Variants in FOXP1 observed in about 807,000 individuals in gnomAD.
The protein encoded by FOXP1 is forkhead box P1, also known as forkhead box protein P1.
A neutral mutation model predicts 98.2 loss-of-function variants in FOXP1; 15 were observed. The observed-to-expected ratio is 0.15, with a 90% CI of 0.10 to 0.24. FOXP1 has a LOEUF of 0.24. FOXP1 is among the 10% of genes least tolerant of loss of function. The pLI is 1.00. For synonymous variants in FOXP1, 371 were observed against 314.5 expected (o/e 1.18, Z -1.90); for missense variants, 633 against 848.5 (o/e 0.75, Z 3.15).
chr3:71,459,389 A>G (rs1373019316), intron 3 of FOXP1, among the ~76,000 whole-genome samples: 2 of 152,242 alleles, frequency 1.3e-5, no homozygotes, highest in Non-Finnish European at 2.9e-5. Flanking sequence ...TCTGAGACCC[A>G]AGAAGGGGAT....
intron 5 of FOXP1, among the ~76,000 whole-genome samples, chr3:71,251,053 T>G (rs1252600504): frequency 2.0e-5 from 3 of 152,254 alleles, no homozygotes; most frequent in African/African-American, 7.2e-5. Flanking sequence ...CGGTTTTGAT[T>G]AGAATTGTAG....
chr3:71,385,819 C>G (rs1214329719), intron 3 of FOXP1, among the ~76,000 whole-genome samples: 1 of 152,088 alleles, frequency 6.6e-6, no homozygotes, highest in Non-Finnish European at 1.5e-5. Flanking sequence ...TTTCCCCGCA[C>G]CTCTCTAAAT....
In FOXP1 at chr3:71,438,245, C is replaced by CTGAA. The variant is rs529353076; in HGVS notation, c.-168+55177_-168+55180dup. On this transcript the variant is annotated intron_variant, in intron 3 of 20. Transcript: ENST00000649528. Reference sequence around the variant, plus strand: ...AATTCTTGGCTCTTAAAATCTATTTCTGAATGAATGAATGAATGAATGTTG... The same window carrying CTGAA: ...AATTCTTGGCTCTTAAAATCTATTTCTGAATGAATGAATGAATGAATGAATGTTG... Among the ~76,000 whole-genome samples, 81 of 152,260 alleles carry CTGAA rather than the reference C, an allele frequency of 5.3e-4. 1 individual carries two copies. The highest frequency in any genetic ancestry group is 3.0e-3 in the Admixed American group (46 of 15,288).
At chr3:71,224,975 G>A (rs1460400141) in intron 5 of FOXP1, among the ~76,000 whole-genome samples, 1 of 152,196 alleles carries the variant, frequency 6.6e-6, no homozygotes, top group Non-Finnish European at 1.5e-5. Flanking sequence ...CTAAGTGGAT[G>A]AATGAATGAT....
At chr3:71,332,774 C>T (rs1210136823) in intron 4 of FOXP1, 1 of 152,248 alleles carries the variant, frequency 6.6e-6, no homozygotes, top group East Asian at 1.9e-4. Context: ...ACCAGTGTCA[C>T]TTTGAACACT....
intron 3 of FOXP1, among the ~76,000 whole-genome samples, chr3:71,484,501 AAG>A (rs2090512860): frequency 6.6e-6 from 1 of 152,176 alleles, no homozygotes; most frequent in African/African-American, 2.4e-5. Context: ...AAGTCTCAAA[AAG>A]GTTCAAATAC....
intron 4 of FOXP1, among the ~76,000 whole-genome samples, chr3:71,315,359 T>A (rs1367543032): frequency 6.6e-6 from 1 of 152,042 alleles, no homozygotes; most frequent in Admixed American, 6.5e-5. Context: ...TGGGAAGCGG[T>A]AGGTTCATTT....
At chr3:71,174,019 G>A (rs542999958) in intron 6 of FOXP1, among the ~76,000 whole-genome samples, 2 of 152,230 alleles carry the variant, frequency 1.3e-5, no homozygotes, top group Non-Finnish European at 2.9e-5. Context: ...ATCTATGCAT[G>A]GTCTAGGAAG....
chr3:70,997,761 G>A (rs2041588811), intron 13 of FOXP1, among the ~76,000 whole-genome samples: 1 of 152,146 alleles, frequency 6.6e-6, no homozygotes, highest in Admixed American at 6.5e-5. Context: ...AGAACTTGGA[G>A]GGCAGCTTTA....
intron 7 of FOXP1, among the ~76,000 whole-genome samples, chr3:71,057,167 CTT>C (rs890816832): frequency 1.3e-5 from 2 of 151,978 alleles, no homozygotes; most frequent in South Asian, 4.1e-4. Flanking sequence ...CAAAATTACA[CTT>C]TGATTCATAA....
At chr3:70,989,305 T>C (rs1219070217) in intron 13 of FOXP1, among the ~76,000 whole-genome samples, 3 of 151,704 alleles carry the variant, frequency 2.0e-5, no homozygotes, top group Non-Finnish European at 4.4e-5. Context: ...CATTTGATTT[T>C]TTTTTTCTTT....
intron 2 of FOXP1, among the ~76,000 whole-genome samples, chr3:71,536,572 T>TC (rs1013358113): frequency 3.0e-5 from 4 of 133,066 alleles, no homozygotes; most frequent in Non-Finnish European, 6.2e-5. Flanking sequence ...AAACCATGTC[T>TC]CTTTTTTTTT....
chr3:71,415,363 T>C (rs1398204152), intron 3 of FOXP1, among the ~76,000 whole-genome samples: 1 of 152,218 alleles, frequency 6.6e-6, no homozygotes, highest in Non-Finnish European at 1.5e-5. Context: ...TAATTTTCAC[T>C]CCTGTTGATA....
At chr3:71,338,444 A>G (rs1195764711) in intron 4 of FOXP1, among the ~76,000 whole-genome samples, 1 of 152,104 alleles carries the variant, frequency 6.6e-6, no homozygotes, top group Non-Finnish European at 1.5e-5. Context: ...ATCCCAGGAG[A>G]GTATAAATTT....
rs531794215 is a variant in FOXP1, at chr3:71,383,753, G to A, written c.-167-24509C>T. Among the ~76,000 whole-genome samples, 3 of 152,218 alleles carry A rather than the reference G, an allele frequency of 2.0e-5. No individual in the cohort carries two copies. The South Asian group carries it at 6.2e-4, about 32-fold the overall frequency. ...AGGCCCCCTTGAACCTGGTTTGGAA[G>A]GAAATGGTGAGACAGAAAGAGAAAA... On this transcript the variant is annotated intron_variant, in intron 3 of 20. Transcript: ENST00000649528.
chr3:71,179,215 G>A (rs922453051), intron 6 of FOXP1, among the ~76,000 whole-genome samples: 1 of 138,512 alleles, frequency 7.2e-6, no homozygotes, highest in South Asian at 2.3e-4. Context: ...TGCAACCTCC[G>A]CCTCCCGGGT....
chr3:71,082,464 C>T (rs577448038), intron 7 of FOXP1, among the ~76,000 whole-genome samples: 9 of 109,004 alleles, frequency 8.3e-5, no homozygotes, highest in East Asian at 2.9e-4. Flanking sequence ...CATCACACAC[C>T]GGGGCCTGTC....
chr3:71,524,893 AG>A (rs2043253911), intron 2 of FOXP1, among the ~76,000 whole-genome samples: 1 of 152,228 alleles, frequency 6.6e-6, no homozygotes, highest in Admixed American at 6.5e-5. Flanking sequence ...GAGTATTAAC[AG>A]GTCACCGTGC....
intron 4 of FOXP1, among the ~76,000 whole-genome samples, chr3:71,357,124 A>G (rs1360056558): frequency 6.6e-6 from 1 of 152,184 alleles, no homozygotes; most frequent in Non-Finnish European, 1.5e-5. Flanking sequence ...GCTGTCAGCA[A>G]TGTCCCCTGC....
Sources: gnomAD v4.1 joint callset for allele counts (sites outside exome capture counted in the v4.1 genomes callset) on GRCh38, gnomAD v4.1.1 for gene constraint, MANE v1.5 for transcripts, NCBI Gene and HGNC (gene_info 2026-07-23, HGNC 2026-07-21) for gene names.